The following TPRG1 variants were observed in gnomAD, a reference collection of about 807,000 sequenced individuals.
The protein encoded by TPRG1 is tumor protein p63-regulated gene 1 protein.
A neutral mutation model predicts 29.3 loss-of-function variants in TPRG1; 29 were observed. The ratio of observed to expected loss-of-function variants is 0.99; its 90% CI spans 0.74 to 1.35. TPRG1 has a LOEUF of 1.35. TPRG1 is among the 40% of genes most tolerant of loss of function. The pLI, the probability that TPRG1 is intolerant of heterozygous loss-of-function variation, is 0.00. For synonymous variants in TPRG1, 130 were observed against 116.8 expected (o/e 1.11, Z -0.73); for missense variants, 327 against 335.0 (o/e 0.98, Z 0.19).
At chr3:189,160,773 G>C (rs1727365266) in intron 5 of TPRG1, among the ~76,000 whole-genome samples, 1 of 152,132 alleles carries the variant, frequency 6.6e-6, no homozygotes, top group Non-Finnish European at 1.5e-5. Flanking sequence ...TCTTCTCTGG[G>C]GGATGAAAAT....
At chr3:189,026,611 G>A (rs1713676643) in intron 4 of TPRG1, among the ~76,000 whole-genome samples, 1 of 152,186 alleles carries the variant, frequency 6.6e-6, no homozygotes, top group Non-Finnish European at 1.5e-5. Context: ...TAGGGTTTAA[G>A]CTTAGCTGGA....
intron 4 of TPRG1, among the ~76,000 whole-genome samples, chr3:189,305,166 G>A (rs1721430908): frequency 6.6e-6 from 1 of 152,152 alleles, no homozygotes; most frequent in South Asian, 2.1e-4. Context: ...AGACTCTTTG[G>A]AGGCCAGGGT....
intron 2 of TPRG1, chr3:189,212,073 A>G (rs1242832165): frequency 6.6e-6 from 1 of 152,104 alleles, no homozygotes; most frequent in African/African-American, 2.4e-5. Context: ...CTTAGTCCAC[A>G]TGGGGAAAGA....
At chr3:189,316,559 G>A (rs1723556915) in intron 5 of TPRG1, among the ~76,000 whole-genome samples, 1 of 152,158 alleles carries the variant, frequency 6.6e-6, no homozygotes, top group African/African-American at 2.4e-5. Context: ...TGAGACTCCA[G>A]GCAATGAACT....
chr3:189,161,178 TACGACATACA>T lies in TPRG1; in HGVS notation c.-10+10309_-10+10318del, dbSNP rs202075574. On this transcript the variant is annotated intron_variant, in intron 5 of 6. Coordinates refer to the TPRG1 transcript ENST00000412373. ...TTAGCATATATTGTTTATTGTCTTT[TACGACATACA>T]ACTGTAGAGGTAATCGAGTATGGAA... Among the ~76,000 whole-genome samples, 1,416 of 152,354 alleles carry T rather than the reference TACGACATACA, an allele frequency of 9.3e-3. 32 individuals are homozygous for T. In the East Asian group the frequency reaches 0.12, roughly 13 times the overall value.
intron 3 of TPRG1, among the ~76,000 whole-genome samples, chr3:189,016,045 C>T (rs763733484): frequency 1.8e-4 from 27 of 151,970 alleles, no homozygotes; most frequent in Admixed American, 1.0e-3. Flanking sequence ...CAGCTTGCAC[C>T]GTGTACCTGG....
intron 4 of TPRG1, among the ~76,000 whole-genome samples, chr3:189,041,464 T>C (rs1714630102): frequency 6.6e-6 from 1 of 152,200 alleles, no homozygotes; most frequent in African/African-American, 2.4e-5. Context: ...TGAGCCTCTT[T>C]AGCACGTACT....
intron 1 of TPRG1, chr3:189,190,925 C>G: frequency 3.0e-6 from 3 of 984,284 alleles, no homozygotes; most frequent in Non-Finnish European, 2.4e-6. Flanking sequence ...AACATTATCC[C>G]TTTGCAATGA....
At chr3:189,063,171 T>C (rs1401678532) in intron 4 of TPRG1, among the ~76,000 whole-genome samples, 1 of 152,062 alleles carries the variant, frequency 6.6e-6, no homozygotes, top group Non-Finnish European at 1.5e-5. Context: ...AAAGTCACAT[T>C]ACATAATAAT....
At chr3:189,272,731 C>T (rs561974389) in intron 4 of TPRG1, among the ~76,000 whole-genome samples, 27 of 144,754 alleles carry the variant, frequency 1.9e-4, no homozygotes, top group Middle Eastern at 3.4e-3. Context: ...TTCCTTCCTT[C>T]CTTCCTTCCT....
At chr3:189,075,172 G>C (rs1003927965) in intron 4 of TPRG1, among the ~76,000 whole-genome samples, 1 of 151,570 alleles carries the variant, frequency 6.6e-6, no homozygotes, top group South Asian at 2.1e-4. Context: ...TCAGTCTGTT[G>C]CCCAGGCTGG....
chr3:189,034,310 C>G (rs1714122425), intron 4 of TPRG1, among the ~76,000 whole-genome samples: 1 of 152,176 alleles, frequency 6.6e-6, no homozygotes. Flanking sequence ...AAGATCCACA[C>G]TTATGTTATC....
chr3:189,130,911 A>G (rs998186954), intron 2 of TPRG1, among the ~76,000 whole-genome samples: 4 of 152,164 alleles, frequency 2.6e-5, no homozygotes, highest in Non-Finnish European at 2.9e-5. Context: ...TCAGGGCCAT[A>G]TGTGATTTTT....
At chr3:189,153,412 G>T (rs988111185) in intron 5 of TPRG1, among the ~76,000 whole-genome samples, 2 of 152,302 alleles carry the variant, frequency 1.3e-5, no homozygotes, top group East Asian at 1.9e-4. Flanking sequence ...TGTAATCATA[G>T]GTAAAATGCA....
chr3:189,037,258 A>T (rs1714330794), intron 4 of TPRG1, among the ~76,000 whole-genome samples: 1 of 151,914 alleles, frequency 6.6e-6, no homozygotes, highest in Admixed American at 6.6e-5. Context: ...ATTAGATCAC[A>T]CACTAAAATA....
chr3:189,107,510 C>T (rs908151158), intron 1 of TPRG1, among the ~76,000 whole-genome samples: 19 of 152,062 alleles, frequency 1.2e-4, no homozygotes, highest in African/African-American at 3.6e-4. Flanking sequence ...TTTACAATAA[C>T]GTATGGACAA....
intron 4 of TPRG1, among the ~76,000 whole-genome samples, chr3:189,050,596 C>G (rs531769074): frequency 1.3e-5 from 2 of 152,102 alleles, no homozygotes; most frequent in South Asian, 4.1e-4. Context: ...GCCAGCCTCA[C>G]CCTAATACCA....
chr3:189,157,152 T>A (rs1287431133), intron 5 of TPRG1, among the ~76,000 whole-genome samples: 2 of 152,168 alleles, frequency 1.3e-5, no homozygotes, highest in Non-Finnish European at 1.5e-5. Flanking sequence ...CAAAGAGGCT[T>A]CATGGGGCTG....
chr3:189,256,911 A>T (rs1285301571), intron 4 of TPRG1, among the ~76,000 whole-genome samples: 1 of 152,078 alleles, frequency 6.6e-6, no homozygotes, highest in Non-Finnish European at 1.5e-5. Flanking sequence ...TGCAAGTGAG[A>T]TGGGTGTCCT....
Sources: allele counts gnomAD v4.1 joint callset (sites outside exome capture counted in the v4.1 genomes callset), GRCh38; gene constraint gnomAD v4.1.1; transcripts MANE v1.5; gene names NCBI Gene and HGNC (gene_info 2026-07-23, HGNC 2026-07-21).